The following MED4 variants were observed in gnomAD, a reference collection of about 807,000 sequenced individuals.
MED4 encodes mediator of RNA polymerase II transcription subunit 4.
A neutral mutation model predicts 35.0 loss-of-function variants in MED4; 21 were observed. The observed-to-expected ratio is 0.60, with a 90% confidence interval of 0.43 to 0.86. MED4 has a LOEUF of 0.86. Among genes scored for constraint, MED4 ranks in the 40% least tolerant of loss-of-function variants. The pLI is 0.00. For synonymous variants in MED4, 138 were observed against 114.0 expected (o/e 1.21, Z -1.34); for missense variants, 300 against 319.4 (o/e 0.94, Z 0.46).
In MED4 at chr13:48,076,197, G is replaced by T. The variant is rs1216383345; in HGVS notation, c.*942C>A. The T allele has an allele frequency of 1.3e-5, 2 of 152,094 alleles. No homozygotes were observed. Among genetic ancestry groups the T allele is most frequent in the Non-Finnish European group, 2.9e-5 (2 of 67,982 alleles). The allele number at this position is 152,094 out of a possible 1,614,324, so 9.4% of individuals were successfully genotyped here. On this transcript the variant is annotated 3_prime_UTR_variant, in exon 7 of 7. Transcript: ENST00000258648. ...AAATGTTGTATTACCTTTGAAATCA[G>T]AAGATACATTGTCTAAAACTGATAC...
chr13:48,090,280 G>C (rs2137840018), intron 2 of MED4, 72 bp downstream of exon 2: 1 of 1,180,640 alleles, frequency 8.5e-7, no homozygotes, highest in African/African-American at 1.6e-5. Flanking sequence ...GAGGAAACTT[G>C]CAGAAATCAA....
chr13:48,089,573 T>C (rs1349626663), intron 2 of MED4, among the ~76,000 whole-genome samples: 3 of 151,970 alleles, frequency 2.0e-5, no homozygotes, highest in East Asian at 3.9e-4. Context: ...TGAGACTATG[T>C]CTCTACCAAA....
rs1277720167 is a variant in MED4, at chr13:48,077,070, T to A, written c.*69A>T. On this transcript the variant is annotated 3_prime_UTR_variant, in exon 7 of 7. Transcript: ENST00000258648. Reference sequence around the variant, plus strand: ...TATTTTTTGTCACCTGTAGTTTACATTTCCCTGCTACTGTTAAAGAAACAG... The same window carrying A: ...TATTTTTTGTCACCTGTAGTTTACAATTCCCTGCTACTGTTAAAGAAACAG... 1.5e-5 allele frequency: 21 copies of A among 1,360,056 alleles called. 1 individual carries two copies. Among genetic ancestry groups the A allele is most frequent in the Non-Finnish European group, 2.1e-5 (21 of 1,011,796 alleles). 84.2% of individuals were successfully genotyped at this position (1,360,056 alleles called of 1,614,324 possible).
intron 5 of MED4, 88 bp downstream of exon 5, chr13:48,081,551 TAAATAC>T: frequency 4.0e-6 from 3 of 758,308 alleles, no homozygotes; most frequent in Non-Finnish European, 6.1e-6. Flanking sequence ...TTTCTAAGGA[TAAATAC>T]ATTTTAAATT....
intron 5 of MED4, among the ~76,000 whole-genome samples, chr13:48,081,156 T>C (rs1274401955): frequency 6.6e-6 from 1 of 152,252 alleles, no homozygotes; most frequent in Non-Finnish European, 1.5e-5. Flanking sequence ...ACTGTCAATA[T>C]AGTTGCAGCT....
chr13:48,079,155 A>C (rs1950785323), intron 6 of MED4, among the ~76,000 whole-genome samples: 1 of 152,212 alleles, frequency 6.6e-6, no homozygotes, highest in South Asian at 2.1e-4. Flanking sequence ...CTATTTTATA[A>C]AGTTATAAAA....
chr13:48,087,869 A>G (rs757358844), intron 2 of MED4, among the ~76,000 whole-genome samples: 2 of 152,074 alleles, frequency 1.3e-5, no homozygotes, highest in Non-Finnish European at 2.9e-5. Context: ...AAAAAAATAC[A>G]GTGATTTCAT....
intron 5 of MED4, among the ~76,000 whole-genome samples, chr13:48,080,978 A>T (rs1330923505): frequency 6.6e-6 from 1 of 152,246 alleles, no homozygotes; most frequent in East Asian, 1.9e-4. Flanking sequence ...TTTTGGGCAC[A>T]TCTCACCAAC....
chr13:48,093,606 T>A, intron 1 of MED4: 1 of 470,098 alleles, frequency 2.1e-6, no homozygotes, highest in Non-Finnish European at 4.4e-6. Context: ...AGCAGCTTCA[T>A]TCTGTGAAGA....
intron 4 of MED4, among the ~76,000 whole-genome samples, chr13:48,082,620 G>C (rs991273639): frequency 5.9e-5 from 9 of 152,194 alleles, no homozygotes; most frequent in Non-Finnish European, 1.3e-4. Context: ...GAGGTCAGGA[G>C]ATCAAGACCA....
chr13:48,091,068 A>C (rs1192947029), intron 1 of MED4, among the ~76,000 whole-genome samples: 3 of 152,254 alleles, frequency 2.0e-5, no homozygotes, highest in Admixed American at 6.5e-5. Flanking sequence ...CTCCTGTCTT[A>C]CATAACATGA....
At chr13:48,077,441 G>C in intron 6 of MED4, 130 bp from the exon 7 acceptor site, 1 of 781,138 alleles carries the variant, frequency 1.3e-6, no homozygotes, top group South Asian at 2.4e-5. Flanking sequence ...TTTTGACACA[G>C]GGTCTCATTC....
chr13:48,085,166 G>C (rs1950839992), intron 3 of MED4, among the ~76,000 whole-genome samples: 3 of 147,488 alleles, frequency 2.0e-5, no homozygotes, highest in Admixed American at 1.4e-4. Flanking sequence ...ACTGTGCCCA[G>C]CTAATTTTTT....
rs185315054 is a variant in MED4 at position 48,093,642 on chromosome 13, C to A, written c.125+1312G>T. On this transcript the variant is annotated intron_variant, in intron 1 of 6. Transcript: ENST00000258648. ...AGTTCCAATGATCCGCCCGCCTTGG[C>A]CTCCCAAAGTGCTCGGATTATAGGC... The A allele has an allele frequency of 4.7e-4, 219 of 464,448 alleles. 2 individuals are homozygous for A. Among genetic ancestry groups the A allele is most frequent in the African/African-American group, 4.0e-3 (199 of 49,818 alleles). The allele number at this position is 464,448 out of a possible 1,614,324, so 28.8% of individuals were successfully genotyped here. A position where few individuals can be genotyped will look rare whatever the true frequency, so the allele number is the denominator to read the frequency against.
intron 1 of MED4, among the ~76,000 whole-genome samples, chr13:48,092,552 G>A (rs903848539): frequency 2.0e-5 from 3 of 152,206 alleles, no homozygotes; most frequent in Non-Finnish European, 4.4e-5. Flanking sequence ...AGTAAGTTAG[G>A]TGGTTTCTGT....
Position 48,092,281 on chromosome 13 carries a change from A to AT in MED4, c.126-1864dup, listed in dbSNP as rs201323627. Among the ~76,000 whole-genome samples, 979 of 146,642 alleles carry AT rather than the reference A, an allele frequency of 6.7e-3. 6 individuals are homozygous for AT. The highest frequency in any genetic ancestry group is 0.021 in the African/African-American group (826 of 40,054). On this transcript the variant is annotated intron_variant, in intron 1 of 6. Coordinates refer to ENST00000258648, the MANE Select transcript of MED4 (RefSeq NM_014166.4). ...TGCCACCACGCCCGGCTAATTTTGT[A>AT]TTTTTTTTTTAGTACAGATGGGGTT...
At chr13:48,088,953 A>G (rs1048747012) in intron 2 of MED4, among the ~76,000 whole-genome samples, 2 of 152,234 alleles carry the variant, frequency 1.3e-5, no homozygotes, top group East Asian at 1.9e-4. Flanking sequence ...TACTCTTTAA[A>G]AAGTGCAAGA....
rs147862667 is a variant in MED4, at chr13:48,082,333, G to A, written c.422-602C>T. Among the ~76,000 whole-genome samples the A allele has an allele frequency of 6.7e-3, 1,020 of 152,024 alleles. 20 individuals carry two copies. The highest frequency in any genetic ancestry group is 4.7e-3 in the Non-Finnish European group (322 of 68,010). ...CTAGGACATATACCAAACATTAATA[G>A]TTACCTCTGAGAAGTGAGAACCACA... On this transcript the variant is annotated intron_variant, in intron 4 of 6. Transcript: ENST00000258648.
intron 1 of MED4, among the ~76,000 whole-genome samples, chr13:48,094,595 A>C (rs1950913384): frequency 6.6e-6 from 1 of 151,890 alleles, no homozygotes; most frequent in Non-Finnish European, 1.5e-5. Context: ...AACAGGCCCC[A>C]AGCCAGTTTA....
Sources: gnomAD v4.1 joint callset for allele counts (sites outside exome capture counted in the v4.1 genomes callset) on GRCh38, gnomAD v4.1.1 for gene constraint, MANE v1.5 for transcripts, NCBI Gene and HGNC (gene_info 2026-07-23, HGNC 2026-07-21) for gene names.